DBX2: variants seen among roughly 807,000 people sequenced by gnomAD.
DBX2 encodes developing brain homeobox 2, also known as homeobox protein DBX2.
A neutral mutation model predicts 17.7 loss-of-function variants in DBX2; 16 were observed. The observed-to-expected ratio is 0.90, with a 90% CI of 0.61 to 1.37. The LOEUF (loss-of-function observed/expected upper bound fraction) is 1.37, where lower values mean the gene tolerates loss of function less well. Ranked by LOEUF, DBX2 falls within the 40% of genes most tolerant of loss-of-function variation. The probability of loss-of-function intolerance (pLI) is 0.00; values close to 1 mark genes in which losing one functional copy is unlikely to be tolerated. For synonymous variants in DBX2, 255 were observed against 183.8 expected, an observed-to-expected ratio of 1.39 and a Z score of -3.13; for missense variants, 538 against 433.8, an observed-to-expected ratio of 1.24 and a Z score of -2.13.
intron 1 of DBX2, among the ~76,000 whole-genome samples, chr12:45,042,170 AAAC>A (rs1482511394): frequency 6.6e-6 from 1 of 152,192 alleles, no homozygotes; most frequent in African/African-American, 2.4e-5. Flanking sequence ...AAAGAACATA[AAAC>A]AACACCTGAC....
At chr12:45,035,752 C>T (rs981100087) in intron 2 of DBX2, among the ~76,000 whole-genome samples, 7 of 152,028 alleles carry the variant, frequency 4.6e-5, no homozygotes, top group Non-Finnish European at 8.8e-5. Context: ...CTGGTCCCTC[C>T]GAGATCTTTT....
intron 2 of DBX2, among the ~76,000 whole-genome samples, chr12:45,031,429 A>T (rs1022071649): frequency 7.9e-5 from 12 of 151,976 alleles, no homozygotes; most frequent in African/African-American, 2.9e-4. Context: ...CCCTTATAAC[A>T]AGCCAAAAAT....
intron 1 of DBX2, among the ~76,000 whole-genome samples, chr12:45,048,169 T>A (rs1203148026): frequency 6.6e-6 from 1 of 152,144 alleles, no homozygotes; most frequent in Non-Finnish European, 1.5e-5. Context: ...TGCAGAAGCA[T>A]AAATCCCGCA....
chr12:45,039,005 T>C (rs1171447673), intron 1 of DBX2, among the ~76,000 whole-genome samples: 2 of 151,982 alleles, frequency 1.3e-5, no homozygotes, highest in Non-Finnish European at 2.9e-5. Context: ...AGGCTTGAAG[T>C]TCTATTGTGT....
intron 3 of DBX2, among the ~76,000 whole-genome samples, chr12:45,017,422 A>G (rs1946329786): frequency 6.6e-6 from 1 of 152,194 alleles, no homozygotes; most frequent in African/African-American, 2.4e-5. Context: ...GTGAAATGGA[A>G]GCACTGAGAC....
intron 3 of DBX2, among the ~76,000 whole-genome samples, chr12:45,016,979 T>C (rs1380697327): frequency 6.6e-6 from 1 of 151,856 alleles, no homozygotes; most frequent in African/African-American, 2.4e-5. Flanking sequence ...ACAGACAGGG[T>C]TTCATCATGT....
In DBX2 at chr12:45,016,425, T is replaced by G; in HGVS notation, c.881A>C (p.Asn294Thr). The G allele has an allele frequency of 1.2e-6, 2 of 1,614,038 alleles. No homozygotes were observed. Among genetic ancestry groups the G allele is most frequent in the Non-Finnish European group, 8.5e-7 (1 of 1,179,954 alleles). The change falls in exon 4 of 4, where the codon AAT becomes ACT. Residue 294 changes from asparagine to threonine, a missense_variant. Asn to Thr is a moderately conservative substitution (Grantham distance 65, BLOSUM62 0). Coordinates refer to ENST00000332700, the MANE Select transcript of DBX2 (RefSeq NM_001004329.3). ...TAGTCTTTCTGAAGGTTCTGGAGAATTCTCCCTCCATCTTGGACTTGAGTG... is the reference window on the plus strand; with the variant it reads ...TAGTCTTTCTGAAGGTTCTGGAGAAGTCTCCCTCCATCTTGGACTTGAGTG... The part of the protein sequence containing the change: ...QQHSSPRWRE[N>T]SPEPSERLIQ...
At chr12:45,035,606 C>T (rs763535163) in intron 2 of DBX2, among the ~76,000 whole-genome samples, 5 of 152,154 alleles carry the variant, frequency 3.3e-5, no homozygotes, top group Non-Finnish European at 5.9e-5. Flanking sequence ...AAATTATTCT[C>T]CATAGACACT....
intron 2 of DBX2, among the ~76,000 whole-genome samples, chr12:45,034,965 G>T (rs537541074): frequency 1.6e-4 from 25 of 152,336 alleles, no homozygotes; most frequent in African/African-American, 5.3e-4. Context: ...ATTGGTCACG[G>T]GTCTGTCACC....
chr12:45,047,884 C>A (rs1167129312), intron 1 of DBX2, among the ~76,000 whole-genome samples: 1 of 152,126 alleles, frequency 6.6e-6, no homozygotes, highest in Admixed American at 6.5e-5. Flanking sequence ...AGAAAAACAA[C>A]TGGAATCTCC....
chr12:45,019,422 GC>G (rs1946339923), intron 3 of DBX2, among the ~76,000 whole-genome samples: 1 of 152,042 alleles, frequency 6.6e-6, no homozygotes, highest in Non-Finnish European at 1.5e-5. Flanking sequence ...AAATAGCATT[GC>G]CCATGAGAGT....
chr12:45,037,361 C>G (rs1946446452), intron 1 of DBX2, among the ~76,000 whole-genome samples: 3 of 152,106 alleles, frequency 2.0e-5, no homozygotes, highest in Admixed American at 6.5e-5. Context: ...ACATTCTAAA[C>G]AGTCAAAAAA....
intron 2 of DBX2, among the ~76,000 whole-genome samples, chr12:45,028,155 T>C (rs895070029): frequency 4.6e-5 from 7 of 152,134 alleles, no homozygotes; most frequent in African/African-American, 1.7e-4. Flanking sequence ...TCTAAGAATC[T>C]CACACAACCT....
At chr12:45,042,997 C>T (rs1027971595) in intron 1 of DBX2, among the ~76,000 whole-genome samples, 2 of 152,160 alleles carry the variant, frequency 1.3e-5, no homozygotes, top group South Asian at 2.1e-4. Flanking sequence ...AGATTCCTTG[C>T]TCTTTTTATT....
chr12:45,024,320 G>C (rs1030144119), intron 2 of DBX2, among the ~76,000 whole-genome samples: 9 of 152,170 alleles, frequency 5.9e-5, no homozygotes, highest in Non-Finnish European at 5.9e-5. Context: ...ATGCTGAACT[G>C]TGAGTCAATT....
intron 1 of DBX2, among the ~76,000 whole-genome samples, chr12:45,038,113 T>C (rs1470682854): frequency 6.6e-6 from 1 of 152,066 alleles, no homozygotes; most frequent in African/African-American, 2.4e-5. Flanking sequence ...GCATTATTTA[T>C]GCAGATTTAC....
chr12:45,035,806 T>C (rs1453629685), intron 2 of DBX2, among the ~76,000 whole-genome samples: 1 of 152,178 alleles, frequency 6.6e-6, no homozygotes, highest in African/African-American at 2.4e-5. Context: ...GTGTCGGCCC[T>C]GGGTTTCAAT....
At chr12:45,050,434 C>A in intron 1 of DBX2, 91 bp downstream of exon 1, 1 of 1,474,090 alleles carries the variant, frequency 6.8e-7, no homozygotes. Context: ...TCTCCCTGGG[C>A]GCAGTGCGCA....
chr12:45,050,638 G>T lies in DBX2; in HGVS notation c.290C>A (p.Ala97Glu). The T allele has an allele frequency of 6.5e-7, 1 of 1,549,940 alleles. No individual in the cohort carries two copies. Among genetic ancestry groups the T allele is most frequent in the Non-Finnish European group, 8.7e-7 (1 of 1,146,942 alleles). Residue 97 changes from alanine (A) to glutamate (E), a missense_variant, in exon 1 of 4, where the codon GCG (alanine) becomes GAG (glutamate). Coordinates refer to ENST00000332700, the MANE Select transcript of DBX2 (RefSeq NM_001004329.3). ...PAAEQVSPAG[A>E]PYGTRWAFQV... ...AAAAGCCCACCGCGTTCCGTAGGGCGCCCCGGCGGGGCTAACTTGTTCGGC... is the reference window on the plus strand; with the variant it reads ...AAAAGCCCACCGCGTTCCGTAGGGCTCCCCGGCGGGGCTAACTTGTTCGGC...
Sources: allele counts gnomAD v4.1 joint callset (sites outside exome capture counted in the v4.1 genomes callset), GRCh38; gene constraint gnomAD v4.1.1; transcripts MANE v1.5; gene names NCBI Gene and HGNC (gene_info 2026-07-23, HGNC 2026-07-21).